The following TNNI3K variants were observed in gnomAD, a reference collection of about 807,000 sequenced individuals.
The protein encoded by TNNI3K is serine/threonine-protein kinase TNNI3K.
In TNNI3K, 140 loss-of-function variants were observed where a neutral mutation model predicts 114.5. The observed-to-expected ratio is 1.22, with a 90% confidence interval of 1.07 to 1.41. The LOEUF (loss-of-function observed/expected upper bound fraction) is 1.41. Among genes scored for constraint, TNNI3K ranks in the 40% most tolerant of loss-of-function variants. The pLI is 0.00. For missense variants in TNNI3K, 1,125 were observed against 1,007.6 expected (o/e 1.12, Z -1.58); for synonymous variants, 347 against 347.5 (o/e 1.00, Z 0.02).
At chr1:74,243,273 G>C (rs1654359373) in intron 2 of TNNI3K, among the ~76,000 whole-genome samples, 1 of 152,060 alleles carries the variant, frequency 6.6e-6, no homozygotes, top group Admixed American at 6.6e-5. Context: ...ATATATTTCT[G>C]GATATTTCTT....
intron 5 of TNNI3K, among the ~76,000 whole-genome samples, chr1:74,277,029 C>T (rs1471624070): frequency 6.6e-6 from 1 of 152,122 alleles, no homozygotes; most frequent in African/African-American, 2.4e-5. Context: ...GGCCTAAGAT[C>T]CTGTCAGCAA....
chr1:74,490,050 TAAAAAAAAAAAAAA>T (rs36063099), intron 22 of TNNI3K, among the ~76,000 whole-genome samples: 10 of 42,910 alleles, frequency 2.3e-4, no homozygotes, highest in African/African-American at 5.7e-4. Flanking sequence ...TTTTTTTTTC[TAAAAAAAAAAAAAA>T]AAAAAAAAAA....
intron 17 of TNNI3K, among the ~76,000 whole-genome samples, chr1:74,402,761 G>A (rs997668659): frequency 2.6e-5 from 4 of 152,318 alleles, no homozygotes; most frequent in East Asian, 3.9e-4. Context: ...TTATCTTCTA[G>A]AGTAAGCTTG....
intron 17 of TNNI3K, among the ~76,000 whole-genome samples, chr1:74,383,819 T>C (rs1310940905): frequency 1.3e-5 from 2 of 152,088 alleles, no homozygotes; most frequent in African/African-American, 4.8e-5. Context: ...TTTACAGAGA[T>C]CATCTAATTA....
intron 4 of TNNI3K, among the ~76,000 whole-genome samples, chr1:74,267,948 C>T (rs1656102275): frequency 6.6e-6 from 1 of 151,926 alleles, no homozygotes; most frequent in Non-Finnish European, 1.5e-5. Context: ...AAATGTTTCA[C>T]ATGCTCTGTG....
chr1:74,275,761 G>T (rs187948257), intron 5 of TNNI3K, among the ~76,000 whole-genome samples: 8 of 152,176 alleles, frequency 5.3e-5, no homozygotes, highest in African/African-American at 1.7e-4. Flanking sequence ...GAGAGTAGAA[G>T]TCTAAGGCGT....
chr1:74,465,666 C>A (rs1472343706), intron 21 of TNNI3K, among the ~76,000 whole-genome samples: 8 of 152,120 alleles, frequency 5.3e-5, no homozygotes, highest in Admixed American at 5.2e-4. Flanking sequence ...GACTGGTGGG[C>A]AGCTCTGCCC....
At chr1:74,470,876 T>G (rs1667893446) in intron 21 of TNNI3K, 1 of 400,758 alleles carries the variant, frequency 2.5e-6, no homozygotes, top group Non-Finnish European at 4.4e-6. Context: ...TTTAACTCAC[T>G]GGTCTTTGAT....
At chr1:74,520,910 A>C (rs1646423443) in intron 23 of TNNI3K, among the ~76,000 whole-genome samples, 1 of 152,072 alleles carries the variant, frequency 6.6e-6, no homozygotes, top group South Asian at 2.1e-4. Context: ...TTTAATTTGC[A>C]CAGTTGTGAA....
intron 2 of TNNI3K, among the ~76,000 whole-genome samples, chr1:74,244,405 A>C (rs1032958768): frequency 6.6e-6 from 1 of 152,162 alleles, no homozygotes; most frequent in Non-Finnish European, 1.5e-5. Flanking sequence ...GTCTAGTTCA[A>C]GATTCAGTTA....
intron 2 of TNNI3K, among the ~76,000 whole-genome samples, chr1:74,245,472 G>T (rs1383175769): frequency 6.6e-6 from 1 of 152,172 alleles, no homozygotes; most frequent in African/African-American, 2.4e-5. Flanking sequence ...CAGTAGAAAT[G>T]AGATCATATC....
chr1:74,345,089 A>ATG (rs1660933549), intron 9 of TNNI3K, among the ~76,000 whole-genome samples: 1 of 152,102 alleles, frequency 6.6e-6, no homozygotes, highest in African/African-American at 2.4e-5. Flanking sequence ...GCACATATAT[A>ATG]CACATATATG....
intron 17 of TNNI3K, among the ~76,000 whole-genome samples, chr1:74,432,066 ATGTG>A (rs111964721): frequency 6.6e-6 from 1 of 150,826 alleles, no homozygotes; most frequent in Admixed American, 6.6e-5. Flanking sequence ...AAGTCTGTGT[ATGTG>A]TGTGTGTGTG....
intron 17 of TNNI3K, among the ~76,000 whole-genome samples, chr1:74,403,675 G>A (rs1664478273): frequency 6.6e-6 from 1 of 152,056 alleles, no homozygotes. Context: ...CTAAATATTT[G>A]TATTTGGGGA....
chr1:74,402,977 T>C (rs564773917), intron 17 of TNNI3K, among the ~76,000 whole-genome samples: 1 of 152,338 alleles, frequency 6.6e-6, no homozygotes, highest in East Asian at 1.9e-4. Flanking sequence ...AGTATTCCAC[T>C]CATATTCATA....
chr1:74,338,615 C>T (rs1260746165), intron 7 of TNNI3K, among the ~76,000 whole-genome samples: 2 of 151,948 alleles, frequency 1.3e-5, no homozygotes, highest in African/African-American at 4.8e-5. Context: ...CTGGAACTGC[C>T]AGTTCCTTGG....
chr1:74,543,056 CTTTTTCCCTTTTT>C (rs1646744803), intron 24 of TNNI3K, among the ~76,000 whole-genome samples: 2 of 105,702 alleles, frequency 1.9e-5, no homozygotes, highest in African/African-American at 6.8e-5. Context: ...TTTTCTTTTT[CTTTTTCCCTTTTT>C]TTTTTTTTTT....
intron 5 of TNNI3K, among the ~76,000 whole-genome samples, chr1:74,318,057 C>G (rs1488463050): frequency 6.6e-6 from 1 of 152,310 alleles, no homozygotes; most frequent in Non-Finnish European, 1.5e-5. Flanking sequence ...CCTTTTATAT[C>G]ATGGCCTGGA....
rs1248424801 is a variant in TNNI3K, at chr1:74,475,579, A to G, written c.2121+12029A>G. ...TGTTGCTTGATGGCTATTTTCCTGT[A>G]AAAGTGGCATTTCTTTTCTGGACCC... On this transcript the variant is annotated intron_variant, in intron 21 of 24. Coordinates refer to ENST00000326637, the MANE Select transcript of TNNI3K (RefSeq NM_015978.3). 3.6e-5 allele frequency: 26 copies of G among 717,362 alleles called. No homozygotes were observed. The East Asian group carries it at 5.6e-4, about 16-fold the overall frequency. 44.4% of individuals were successfully genotyped at this position (717,362 alleles called of 1,614,324 possible). A position where few individuals can be genotyped will look rare whatever the true frequency, so the allele number is the denominator to read the frequency against.
Sources: gnomAD v4.1 joint callset for allele counts (sites outside exome capture counted in the v4.1 genomes callset) on GRCh38, gnomAD v4.1.1 for gene constraint, MANE v1.5 for transcripts, NCBI Gene and HGNC (gene_info 2026-07-23, HGNC 2026-07-21) for gene names.